The following USP25 variants were observed in gnomAD, a reference collection of about 807,000 sequenced individuals.
USP25 encodes the protein ubiquitin specific peptidase 25.
USP25 carries 85 observed loss-of-function variants against 158.5 expected under a neutral mutation model. The ratio of observed to expected loss-of-function variants is 0.54; its 90% CI spans 0.45 to 0.64. The LOEUF is 0.64. Among genes scored for constraint, USP25 ranks in the 30% least tolerant of loss-of-function variants. The probability of loss-of-function intolerance (pLI) is 0.00; values close to 1 mark genes in which losing one functional copy is unlikely to be tolerated. For synonymous variants in USP25, 464 were observed against 460.4 expected (o/e 1.01, Z -0.10); for missense variants, 1,242 against 1,327.3 (o/e 0.94, Z 1.00).
intron 14 of USP25, among the ~76,000 whole-genome samples, chr21:15,830,197 T>C (rs2242680): frequency 0.075 from 11,489 of 152,256 alleles, 506 homozygotes; most frequent in East Asian, 0.099. Context: ...TTCTTAAGTT[T>C]ACTTGTGTTA....
chr21:15,762,977 T>C lies in USP25; in HGVS notation c.123+9T>C. ...TACAGCAAGCCTTGAAGGTATGGCC[T>C]CTGTTTTATGATATACAGTTTGTGG... is the stretch of plus-strand genomic sequence containing the variant. On this transcript the variant is annotated intron_variant, in intron 2 of 25. Coordinates refer to ENST00000400183, the MANE Select transcript of USP25 (RefSeq NM_001283041.3). 6.2e-7 allele frequency: 1 copy of C among 1,608,132 alleles called. No homozygotes were observed. Among genetic ancestry groups the C allele is most frequent in the African/African-American group, 1.3e-5 (1 of 74,588 alleles).
intron 3 of USP25, 54 bp from the exon 4 acceptor site, chr21:15,777,850 A>G: frequency 6.6e-7 from 1 of 1,506,380 alleles, no homozygotes; most frequent in Non-Finnish European, 8.9e-7. Flanking sequence ...CATAATAAAA[A>G]TCCTTTCATT....
intron 6 of USP25, among the ~76,000 whole-genome samples, chr21:15,802,325 T>C (rs903675803): frequency 6.6e-6 from 1 of 151,602 alleles, no homozygotes; most frequent in Non-Finnish European, 1.5e-5. Flanking sequence ...GAAGGAATTT[T>C]GAATTTTACA....
intron 17 of USP25, among the ~76,000 whole-genome samples, chr21:15,834,230 A>T (rs989235337): frequency 1.3e-5 from 2 of 152,226 alleles, no homozygotes; most frequent in Admixed American, 1.3e-4. Context: ...AGGAATTAAG[A>T]AAATAGTTTC....
At chr21:15,841,924 C>T (rs141966569) in intron 17 of USP25, among the ~76,000 whole-genome samples, 234 of 152,232 alleles carry the variant, frequency 1.5e-3, no homozygotes, top group Middle Eastern at 3.4e-3. Context: ...TCTGACAACA[C>T]TCAGCTACTG....
intron 1 of USP25, among the ~76,000 whole-genome samples, chr21:15,739,095 G>A (rs2031798067): frequency 6.6e-6 from 1 of 152,126 alleles, no homozygotes; most frequent in Non-Finnish European, 1.5e-5. Context: ...CTTTAACTCG[G>A]TTCTGAGGAG....
In USP25 at chr21:15,859,577, A is replaced by G. The variant is rs183481518; in HGVS notation, c.2548-4691A>G. On this transcript the variant is annotated intron_variant, in intron 20 of 25. Coordinates refer to ENST00000400183, the MANE Select transcript of USP25 (RefSeq NM_001283041.3). ...CCTTGAAGATTTGACATAACAGCCC[A>G]GCTCGAAAACATCGTGGGCTTGATA... Among the ~76,000 whole-genome samples, 356 of 152,286 alleles carry G rather than the reference A, an allele frequency of 2.3e-3. 4 individuals are homozygous for G. The highest frequency in any genetic ancestry group is 8.3e-3 in the African/African-American group (344 of 41,558).
chr21:15,760,585 A>G lies in USP25; in HGVS notation c.46-2306A>G, dbSNP rs144211973. Among the ~76,000 whole-genome samples the G allele has an allele frequency of 2.3e-3, 358 of 152,372 alleles. 5 individuals are homozygous for G. Among genetic ancestry groups the G allele is most frequent in the Middle Eastern group, 0.01 (3 of 294 alleles). On this transcript the variant is annotated intron_variant, in intron 1 of 25. Transcript: ENST00000400183. ...AAACCTTTCATGTAATTTGTTTAGGACTTTTTAGACTTCTGAAAATACATA... is the reference window on the plus strand; with the variant it reads ...AAACCTTTCATGTAATTTGTTTAGGGCTTTTTAGACTTCTGAAAATACATA...
intron 1 of USP25, among the ~76,000 whole-genome samples, chr21:15,751,455 A>G (rs1422607828): frequency 6.6e-6 from 1 of 152,214 alleles, no homozygotes; most frequent in African/African-American, 2.4e-5. Flanking sequence ...ATTTTGTTTT[A>G]TTAGTATAAG....
In USP25 at chr21:15,766,263, G is replaced by T; in HGVS notation, c.268+122G>T. On this transcript the variant is annotated intron_variant, in intron 3 of 25. Transcript: ENST00000400183. The surrounding 1 kb of genome is among the most constrained non-coding windows in gnomAD (Gnocchi z 4.0). ...CCAAAAAAGAACTCTATTAACCTTG[G>T]TTCTTTTTAATGTAGTTGAAAGGAA... 1.2e-6 allele frequency: 1 copy of T among 849,386 alleles called. No homozygotes were observed. Among genetic ancestry groups the T allele is most frequent in the Non-Finnish European group, 1.6e-6 (1 of 612,608 alleles). The allele number at this position is 849,386 out of a possible 1,614,324, so 52.6% of individuals were successfully genotyped here. A position where few individuals can be genotyped will look rare whatever the true frequency, so the allele number is the denominator to read the frequency against.
In USP25 at chr21:15,828,564, G is replaced by A. The variant is rs141097568; in HGVS notation, c.1693+1361G>A. Among the ~76,000 whole-genome samples the A allele has an allele frequency of 3.3e-4, 51 of 152,356 alleles. 1 individual carries two copies. The East Asian group carries it at 9.6e-3, about 29-fold the overall frequency. On this transcript the variant is annotated intron_variant, in intron 14 of 25. Transcript: ENST00000400183. Reference sequence around the variant, plus strand: ...AAATAGAATGTATTTTGGAAAAAAGGTAAAGCAGTGGGCAAAGAGGTTCCC... The same window carrying A: ...AAATAGAATGTATTTTGGAAAAAAGATAAAGCAGTGGGCAAAGAGGTTCCC...
intron 20 of USP25, among the ~76,000 whole-genome samples, chr21:15,859,140 T>C (rs1160618114): frequency 6.7e-6 from 1 of 148,738 alleles, no homozygotes; most frequent in East Asian, 1.9e-4. Flanking sequence ...ATATATAATA[T>C]ATCTATATTA....
chr21:15,833,609 C>A, intron 17 of USP25, 61 bp downstream of exon 17: 1 of 1,431,492 alleles, frequency 7.0e-7, no homozygotes, highest in Non-Finnish European at 9.5e-7. Context: ...ATAAGATATG[C>A]TCATTATTAA....
chr21:15,864,331 G>A lies in USP25; in HGVS notation c.2611G>A (p.Asp871Asn), dbSNP rs150540023. Reference protein sequence around the residue: ...LAQEDTPPETDYRLHHVVVYF... With the variant: ...LAQEDTPPETNYRLHHVVVYF... ...CCAAGAAGACACCCCACCAGAAACC[G>A]ATTATCGTTTACATCATGTAGTGGT... is the stretch of plus-strand genomic sequence containing the variant. Residue 871 changes from aspartate to asparagine, a missense_variant, in exon 21 of 26, where the codon GAT (aspartate) becomes AAT (asparagine). Coordinates refer to ENST00000400183, the MANE Select transcript of USP25 (RefSeq NM_001283041.3). 19 of 1,613,030 alleles carry A rather than the reference G, an allele frequency of 1.2e-5. No homozygotes were observed. The Admixed American group carries it at 1.7e-4, about 14-fold the overall frequency.
At chr21:15,734,310 T>C (rs1009505381) in intron 1 of USP25, among the ~76,000 whole-genome samples, 1 of 152,198 alleles carries the variant, frequency 6.6e-6, no homozygotes, top group African/African-American at 2.4e-5. Context: ...ATTTTCCAAT[T>C]TAGGATTATC....
chr21:15,761,854 A>T (rs1211278930), intron 1 of USP25, among the ~76,000 whole-genome samples: 1 of 151,894 alleles, frequency 6.6e-6, no homozygotes, highest in African/African-American at 2.4e-5. Context: ...ATAAACTTTC[A>T]CTCCTGCTCT....
Position 15,805,215 on chromosome 21 carries a change from T to C in USP25, c.737T>C (p.Val246Ala). The change falls in exon 7 of 26, where the codon GTT becomes GCT. Residue 246 changes from valine (V) to alanine (A), a missense_variant. Coordinates refer to ENST00000400183, the MANE Select transcript of USP25 (RefSeq NM_001283041.3). ...AAGTATGTTGATCCATCAAGAGCAG[T>C]TGAAATTCTTAAGGATGCTTTCAAA... is the stretch of plus-strand genomic sequence containing the variant. ...KRKYVDPSRA[V>A]EILKDAFKSN... 1 of 1,607,168 alleles carries C rather than the reference T, an allele frequency of 6.2e-7. No homozygotes were observed. Among genetic ancestry groups the C allele is most frequent in the Non-Finnish European group, 8.5e-7 (1 of 1,177,434 alleles).
Position 15,811,178 on chromosome 21 carries a change from A to G in USP25, c.899A>G (p.Tyr300Cys), listed in dbSNP as rs2036642121. Reference protein sequence around the residue: ...KPKNPMVELFYGRFLAVGVLE... With the variant: ...KPKNPMVELFCGRFLAVGVLE... The stretch of plus-strand genomic sequence containing the variant: ...AAGAACCCCATGGTAGAGTTGTTCT[A>G]TGGCAGATTCCTGGCTGTGGGAGTA... The change falls in exon 9 of 26, where the codon TAT becomes TGT. Residue 300 changes from tyrosine to cysteine, a missense_variant. Transcript: ENST00000400183. 1.2e-6 allele frequency: 2 copies of G among 1,613,166 alleles called. No individual in the cohort carries two copies. The highest frequency in any genetic ancestry group is 2.2e-5 in the East Asian group (1 of 44,830).
intron 23 of USP25, among the ~76,000 whole-genome samples, chr21:15,873,854 G>C (rs979578778): frequency 6.6e-6 from 1 of 151,952 alleles, no homozygotes; most frequent in Non-Finnish European, 1.5e-5. Context: ...AGGTTTCCCA[G>C]ATTTAGAAGA....
Sources: allele counts gnomAD v4.1 joint callset (sites outside exome capture counted in the v4.1 genomes callset), GRCh38; gene constraint gnomAD v4.1.1; non-coding constraint Gnocchi (gnomAD v3.1); transcripts MANE v1.5; gene names NCBI Gene and HGNC (gene_info 2026-07-23, HGNC 2026-07-21).